The following PTGFR variants were observed in gnomAD, a reference collection of about 807,000 sequenced individuals.
PTGFR encodes prostaglandin F receptor.
PTGFR carries 15 observed loss-of-function variants against 26.2 expected under a neutral mutation model. The observed-to-expected ratio is 0.57, with a 90% confidence interval of 0.38 to 0.88. PTGFR has a LOEUF of 0.88. Ranked by LOEUF, PTGFR falls within the 40% of genes least tolerant of loss-of-function variation. The pLI is 0.00. For missense variants in PTGFR, 369 were observed against 427.2 expected, an observed-to-expected ratio of 0.86 and a Z score of 1.20; for synonymous variants, 165 against 151.1, an observed-to-expected ratio of 1.09 and a Z score of -0.68.
rs1650654800 is a variant in PTGFR, at chr1:78,536,425, G to A, written c.818G>A (p.Gly273Glu). Residue 273 changes from glycine to glutamate, a missense_variant, in exon 3 of 3, where the codon GGA becomes GAA. Gly to Glu is a moderately conservative substitution (Grantham distance 98). Coordinates refer to ENST00000370757, the MANE Select transcript of PTGFR (RefSeq NM_000959.4). The part of the protein sequence containing the change: ...SPFLVTMANI[G>E]INGNHSLETC... ...TTCTAGGTTACAATGGCCAACATTG[G>A]AATAAATGGAAATCATTCTCTGGAA... 1 of 1,611,826 alleles carries A rather than the reference G, an allele frequency of 6.2e-7. No individual in the cohort carries two copies. The highest frequency in any genetic ancestry group is 8.5e-7 in the Non-Finnish European group (1 of 1,179,070).
chr1:78,528,325 A>T (rs1650424352), intron 2 of PTGFR, among the ~76,000 whole-genome samples: 1 of 145,786 alleles, frequency 6.9e-6, no homozygotes, highest in Non-Finnish European at 1.5e-5. Context: ...AAAAAAAAGC[A>T]CAACACTCAA....
chr1:78,504,194 A>G (rs538158215), intron 2 of PTGFR, among the ~76,000 whole-genome samples: 2 of 152,290 alleles, frequency 1.3e-5, no homozygotes, highest in African/African-American at 2.4e-5. Flanking sequence ...TAGCTATAAA[A>G]TTTCATTGTA....
intron 2 of PTGFR, among the ~76,000 whole-genome samples, chr1:78,508,349 T>C (rs1649875495): frequency 6.6e-6 from 1 of 152,230 alleles, no homozygotes; most frequent in Non-Finnish European, 1.5e-5. Context: ...ATAGTGTTTT[T>C]CCTCTGGTAT....
intron 2 of PTGFR, among the ~76,000 whole-genome samples, chr1:78,511,418 G>A (rs1040862479): frequency 1.3e-5 from 2 of 151,102 alleles, no homozygotes; most frequent in Admixed American, 6.6e-5. Flanking sequence ...CTTATGGCTC[G>A]TGCCCTCAGG....
chr1:78,505,505 C>G (rs969201398), intron 2 of PTGFR, among the ~76,000 whole-genome samples: 7 of 152,166 alleles, frequency 4.6e-5, no homozygotes, highest in African/African-American at 1.7e-4. Flanking sequence ...TAAGAAAGCA[C>G]TGATCTTGAT....
intron 2 of PTGFR, among the ~76,000 whole-genome samples, chr1:78,496,411 AGTGACAGCTT>A (rs1184854763): frequency 7.9e-5 from 12 of 152,176 alleles, no homozygotes; most frequent in Admixed American, 7.9e-4. Flanking sequence ...GTGCTGTAAT[AGTGACAGCTT>A]CCAGGTCAAT....
chr1:78,495,953 G>A (rs1024245120), intron 2 of PTGFR, among the ~76,000 whole-genome samples: 6 of 152,132 alleles, frequency 3.9e-5, no homozygotes, highest in South Asian at 4.1e-4. Context: ...TGTCACCAAC[G>A]TATCAATACT....
chr1:78,520,307 G>A (rs568774488), intron 2 of PTGFR, among the ~76,000 whole-genome samples: 3 of 152,030 alleles, frequency 2.0e-5, no homozygotes, highest in African/African-American at 4.8e-5. Flanking sequence ...TTAAAAAGTC[G>A]TGTTCTTTTA....
intron 2 of PTGFR, among the ~76,000 whole-genome samples, chr1:78,518,519 A>G (rs1650145438): frequency 6.6e-6 from 1 of 151,554 alleles, no homozygotes; most frequent in Admixed American, 6.6e-5. Flanking sequence ...ACTTTAATAC[A>G]AAAGAGAAAG....
At chr1:78,498,037 A>G (rs1649600840) in intron 2 of PTGFR, 1 of 947,266 alleles carries the variant, frequency 1.1e-6, no homozygotes, top group Admixed American at 2.6e-5. Flanking sequence ...TCTAGTCAAC[A>G]TAGTTAAACA....
chr1:78,540,409 C>T lies in PTGFR; in HGVS notation c.*3722C>T. Among the ~76,000 whole-genome samples, 1 of 152,176 alleles carries T rather than the reference C, an allele frequency of 6.6e-6. No individual in the cohort carries two copies. The highest frequency in any genetic ancestry group is 2.1e-4 in the South Asian group (1 of 4,820). On this transcript the variant is annotated 3_prime_UTR_variant, in exon 3 of 3. Transcript: ENST00000370757. ...TCTTGTCTTCCTAATAGCATTTAAA[C>T]AGAAACGATTTTTAAAAGTTGTTTT...
At position 78,539,083 on chromosome 1, in the gene PTGFR, T is replaced by A. The variant is rs1650730049; in HGVS notation, c.*2396T>A. The A allele has an allele frequency of 6.6e-6, 1 of 151,788 alleles. No homozygotes were observed. Among genetic ancestry groups the A allele is most frequent in the African/African-American group, 2.4e-5 (1 of 41,400 alleles). 9.4% of individuals were successfully genotyped at this position (151,788 alleles called of 1,614,324 possible). ...ATACAAAGATAATGCTGATTCACAA[T>A]TAGCTATGGGTAAGTCCAAAACATC... is the stretch of plus-strand genomic sequence containing the variant. On this transcript the variant is annotated 3_prime_UTR_variant, in exon 3 of 3. Coordinates refer to ENST00000370757, the MANE Select transcript of PTGFR (RefSeq NM_000959.4).
rs1447095803 is a variant in PTGFR, at chr1:78,492,904, C to T, written c.161C>T (p.Ala54Val). The change falls in exon 2 of 3, where the codon GCA (alanine) becomes GTA (valine). Residue 54 changes from alanine (A) to valine (V), a missense_variant. Ala to Val is a moderately conservative substitution (Grantham distance 64). Transcript: ENST00000370757. The stretch of plus-strand genomic sequence containing the variant: ...CTTGCCATCGCCATTCTCATGAAGG[C>T]ATATCAGAGATTTAGACAGAAGTCC... ...NSLAIAILMK[A>V]YQRFRQKSKA... The T allele has an allele frequency of 1.2e-6, 2 of 1,614,128 alleles. No individual in the cohort carries two copies. Among genetic ancestry groups the T allele is most frequent in the Admixed American group, 1.7e-5 (1 of 60,008 alleles).
chr1:78,498,533 T>TA (rs2100353285), intron 2 of PTGFR, among the ~76,000 whole-genome samples: 1 of 152,236 alleles, frequency 6.6e-6, no homozygotes, highest in South Asian at 2.1e-4. Flanking sequence ...TTCCCAAATT[T>TA]AAAAAATTAA....
chr1:78,527,720 T>C (rs971846783), intron 2 of PTGFR, among the ~76,000 whole-genome samples: 1 of 152,124 alleles, frequency 6.6e-6, no homozygotes, highest in Admixed American at 6.6e-5. Flanking sequence ...TTACAGAGAA[T>C]GTTGTATGCC....
At chr1:78,509,798 T>C (rs1342118447) in intron 2 of PTGFR, among the ~76,000 whole-genome samples, 1 of 152,216 alleles carries the variant, frequency 6.6e-6, no homozygotes, top group Non-Finnish European at 1.5e-5. Context: ...TAGTTTTACA[T>C]TTTTGTGGAT....
chr1:78,518,330 T>A (rs1301313160), intron 2 of PTGFR, among the ~76,000 whole-genome samples: 1 of 152,112 alleles, frequency 6.6e-6, no homozygotes, highest in Non-Finnish European at 1.5e-5. Context: ...AAGTTATGTA[T>A]CTACATTTTT....
rs1348601137 is a variant in PTGFR at position 78,536,760 on chromosome 1, A to G, written c.*73A>G. ...TGTTTGGCAATATTTCAGTTAGTTA[A>G]ATACCTGTAGCCTAACTGGAAAATT... On this transcript the variant is annotated 3_prime_UTR_variant, in exon 3 of 3. Coordinates refer to ENST00000370757, the MANE Select transcript of PTGFR (RefSeq NM_000959.4). The G allele has an allele frequency of 6.8e-7, 1 of 1,466,216 alleles. No individual in the cohort carries two copies. The highest frequency in any genetic ancestry group is 1.4e-5 in the African/African-American group (1 of 70,544). The allele number at this position is 1,466,216 out of a possible 1,614,324, so 90.8% of individuals were successfully genotyped here.
At chr1:78,511,562 C>A (rs74327713) in intron 2 of PTGFR, among the ~76,000 whole-genome samples, 1 of 152,164 alleles carries the variant, frequency 6.6e-6, no homozygotes, top group Non-Finnish European at 1.5e-5. Flanking sequence ...CCATTCTGTC[C>A]TCCTAGGCCT....
Sources: allele counts gnomAD v4.1 joint callset (sites outside exome capture counted in the v4.1 genomes callset), GRCh38; gene constraint gnomAD v4.1.1; transcripts MANE v1.5; gene names NCBI Gene and HGNC (gene_info 2026-07-23, HGNC 2026-07-21).